The following MTCL2 variants were observed in gnomAD, a reference collection of about 807,000 sequenced individuals.
The protein encoded by MTCL2 is microtubule crosslinking factor 2.
the MTCL2 span, among the ~76,000 whole-genome samples, chr20:36,833,960 C>G: frequency 1.3e-5 from 2 of 152,120 alleles, no homozygotes; most frequent in African/African-American, 4.8e-5. Flanking sequence ...GTCAGGAGTT[C>G]GAGACCAGAC....
chr20:36,813,140 CAT>C, the MTCL2 span, among the ~76,000 whole-genome samples: 7 of 152,078 alleles, frequency 4.6e-5, no homozygotes, highest in African/African-American at 7.2e-5. Context: ...TGTCCTATCA[CAT>C]GTGTGACCTC....
chr20:36,798,881 TA>T, the MTCL2 span, among the ~76,000 whole-genome samples: 3 of 151,956 alleles, frequency 2.0e-5, no homozygotes, highest in African/African-American at 7.3e-5. Context: ...CCCTCAGTTC[TA>T]AAAAAAACTA....
the MTCL2 span, chr20:36,829,196 G>A: frequency 6.2e-7 from 1 of 1,610,552 alleles, no homozygotes; most frequent in Non-Finnish European, 8.5e-7. Flanking sequence ...CAGCCGCATG[G>A]AGATGTCCTT....
chr20:36,810,980 C>CA, the MTCL2 span, among the ~76,000 whole-genome samples: 3 of 152,080 alleles, frequency 2.0e-5, no homozygotes, highest in African/African-American at 7.2e-5. Flanking sequence ...CCTGGGCCTC[C>CA]CAAAGTGCTG....
chr20:36,856,839 C>CAT, the MTCL2 span, among the ~76,000 whole-genome samples: 6 of 150,478 alleles, frequency 4.0e-5, no homozygotes, highest in African/African-American at 1.5e-4. Flanking sequence ...AATGTCACAG[C>CAT]GTGTGTGTGT....
At chr20:36,786,251 T>C in the MTCL2 span, 18 of 1,210,918 alleles carry the variant, frequency 1.5e-5, no homozygotes, top group African/African-American at 2.6e-4. Context: ...GTTTGGTCTC[T>C]CTCCCACTCA....
At chr20:36,786,997 C>A in the MTCL2 span, among the ~76,000 whole-genome samples, 3 of 151,582 alleles carry the variant, frequency 2.0e-5, no homozygotes, top group African/African-American at 7.3e-5. Context: ...CCTTTTTATC[C>A]TTTTTTTTCG....
At chr20:36,860,455 C>G in the MTCL2 span, among the ~76,000 whole-genome samples, 4 of 152,198 alleles carry the variant, frequency 2.6e-5, no homozygotes, top group African/African-American at 9.7e-5. Context: ...CAGATCTGCC[C>G]TAGCACACGG....
chr20:36,803,184 G>A, the MTCL2 span: 2 of 1,492,478 alleles, frequency 1.3e-6, no homozygotes, highest in Non-Finnish European at 1.8e-6. Flanking sequence ...TCCCTCCTGG[G>A]TGCCAGCGGG....
the MTCL2 span, among the ~76,000 whole-genome samples, chr20:36,852,124 G>A: frequency 6.6e-6 from 1 of 152,188 alleles, no homozygotes. Flanking sequence ...AAGAATGACA[G>A]AGCTGAGCTG....
the MTCL2 span, among the ~76,000 whole-genome samples, chr20:36,845,010 CAA>C: frequency 5.7e-4 from 73 of 127,034 alleles, no homozygotes; most frequent in Non-Finnish European, 5.2e-4. Context: ...GATTCTGTCT[CAA>C]AAAAAAAAAA....
At chr20:36,850,190 T>C in the MTCL2 span, among the ~76,000 whole-genome samples, 1 of 152,046 alleles carries the variant, frequency 6.6e-6, no homozygotes, top group Non-Finnish European at 1.5e-5. Context: ...CCCATGGGAC[T>C]CTGTACTGCC....
At chr20:36,799,497 A>AT in the MTCL2 span, among the ~76,000 whole-genome samples, 1 of 141,708 alleles carries the variant, frequency 7.1e-6, no homozygotes, top group Non-Finnish European at 1.5e-5. Context: ...CATCTCAAAA[A>AT]TAAATAAATA....
the MTCL2 span, chr20:36,829,173 C>G: frequency 1.2e-6 from 2 of 1,610,460 alleles, no homozygotes; most frequent in South Asian, 2.2e-5. Context: ...TCCACCACCT[C>G]GAGCTCCTTA....
the MTCL2 span, among the ~76,000 whole-genome samples, chr20:36,856,257 G>C: frequency 6.6e-6 from 1 of 152,168 alleles, no homozygotes; most frequent in African/African-American, 2.4e-5. Context: ...GCCACTTGAG[G>C]CTAACTCCCC....
the MTCL2 span, among the ~76,000 whole-genome samples, chr20:36,792,446 A>G: frequency 6.6e-6 from 1 of 152,196 alleles, no homozygotes; most frequent in East Asian, 1.9e-4. Context: ...CGGAGGTTAC[A>G]GTGAGCCGAG....
At chr20:36,835,697 C>G in the MTCL2 span, among the ~76,000 whole-genome samples, 4 of 152,158 alleles carry the variant, frequency 2.6e-5, no homozygotes, top group Non-Finnish European at 4.4e-5. Context: ...GCCCCAGGCC[C>G]GCAGATGAGC....
chr20:36,808,708 C>T, the MTCL2 span: 2 of 1,605,522 alleles, frequency 1.2e-6, no homozygotes, highest in East Asian at 4.5e-5. Flanking sequence ...GCTCAAACTC[C>T]CGCCTCAGGA....
At chr20:36,857,241 C>T in the MTCL2 span, among the ~76,000 whole-genome samples, 2 of 152,114 alleles carry the variant, frequency 1.3e-5, no homozygotes, top group African/African-American at 2.4e-5. Context: ...GGGACATATC[C>T]GGGTGTGTCT....
Sources: allele counts gnomAD v4.1 joint callset (sites outside exome capture counted in the v4.1 genomes callset), GRCh38; gene constraint gnomAD v4.1.1; transcripts MANE v1.5; gene names NCBI Gene and HGNC (gene_info 2026-07-23, HGNC 2026-07-21).